DAAM2: variants seen among roughly 807,000 people sequenced by gnomAD.
DAAM2 encodes dishevelled associated activator of morphogenesis 2, also known as disheveled-associated activator of morphogenesis 2.
A neutral mutation model predicts 120.7 loss-of-function variants in DAAM2; 39 were observed. The ratio of observed to expected loss-of-function variants is 0.32; its 90% CI spans 0.25 to 0.42. The LOEUF is 0.42. DAAM2 is among the 10% of genes least tolerant of loss of function. The pLI is 1.00. For missense variants in DAAM2, 1,283 were observed against 1,401.7 expected, an observed-to-expected ratio of 0.92 and a Z score of 1.35; for synonymous variants, 488 against 524.9, an observed-to-expected ratio of 0.93 and a Z score of 0.96.
In DAAM2 at chr6:39,902,004, C is replaced by A. The variant is rs755627834; in HGVS notation, c.3174C>A (p.Thr1058=). The part of the protein sequence containing the change: ...KRSGSQALEV[T]RERAINRLNY ...CAGGGAGCCAGGCCCTGGAAGTTAC[C>A]CGGGAGCGGGCAATAAACCGGCTAA... Residue 1058 remains threonine, a synonymous_variant, in exon 25 of 25, where the codon ACC becomes ACA. Coordinates refer to ENST00000274867, the MANE Select transcript of DAAM2 (RefSeq NM_001201427.2). 1.2e-6 allele frequency: 2 copies of A among 1,610,764 alleles called. No individual in the cohort carries two copies. The highest frequency in any genetic ancestry group is 1.3e-5 in the African/African-American group (1 of 74,956).
chr6:39,850,151 G>A (rs538306032), intron 1 of DAAM2, among the ~76,000 whole-genome samples: 9 of 152,302 alleles, frequency 5.9e-5, no homozygotes, highest in Admixed American at 5.9e-4. Flanking sequence ...TGCTTTGCCT[G>A]TTGATTTAGC....
At chr6:39,803,324 C>T (rs1458821004) in intron 1 of DAAM2, among the ~76,000 whole-genome samples, 1 of 152,196 alleles carries the variant, frequency 6.6e-6, no homozygotes, top group Admixed American at 6.5e-5. Flanking sequence ...TGTTCCAACT[C>T]AATAGTGCAG....
In DAAM2 at chr6:39,896,894, C is replaced by T. The variant is rs768349100; in HGVS notation, c.2424C>T (p.Phe808=). Reference sequence around the variant, plus strand: ...AGGTCATCCTAGCCATAGGCAACTTCATGAACAAAGGGCAGCGTGGGGGCG... The same window carrying T: ...AGGTCATCCTAGCCATAGGCAACTTTATGAACAAAGGGCAGCGTGGGGGCG... ...MLEVILAIGN[F]MNKGQRGGAY... Residue 808 remains phenylalanine, a synonymous_variant, in exon 20 of 25, where the codon TTC becomes TTT. Transcript: ENST00000274867. 2.5e-6 allele frequency: 4 copies of T among 1,613,832 alleles called. 1 individual carries two copies. In the South Asian group the frequency reaches 3.3e-5, roughly 13 times the overall value.
At chr6:39,850,029 T>TCCCAGC (rs140194132) in intron 1 of DAAM2, among the ~76,000 whole-genome samples, 23,556 of 151,784 alleles carry the variant, frequency 0.16, 4,155 homozygotes, top group African/African-American at 0.44. Flanking sequence ...TGAGCCCCAT[T>TCCCAGC]CCCAGCCCCA....
At position 39,875,467 on chromosome 6, in the gene DAAM2, A is replaced by G. The variant is rs1006827416; in HGVS notation, c.1300A>G (p.Met434Val). The change falls in exon 11 of 25, where the codon ATG (methionine) becomes GTG (valine). Residue 434 changes from methionine to valine, a missense_variant and splice_region_variant. By Grantham distance (21) the Met-to-Val change is conservative. Coordinates refer to ENST00000274867, the MANE Select transcript of DAAM2 (RefSeq NM_001201427.2). Reference sequence around the variant, plus strand: ...CTTCAATGTCAAGAACATCGTCAACATGTGAGCAGTGGCCAGCCTTTGCCC... The same window carrying G: ...CTTCAATGTCAAGAACATCGTCAACGTGTGAGCAGTGGCCAGCCTTTGCCC... ...ENFNVKNIVN[M>V]LINENEVKQW... 1.2e-6 allele frequency: 2 copies of G among 1,613,060 alleles called. No homozygotes were observed. The highest frequency in any genetic ancestry group is 1.7e-6 in the Non-Finnish European group (2 of 1,179,418).
At chr6:39,824,965 T>G (rs1554168304) in intron 1 of DAAM2, among the ~76,000 whole-genome samples, 1 of 152,120 alleles carries the variant, frequency 6.6e-6, no homozygotes, top group Non-Finnish European at 1.5e-5. Flanking sequence ...GTCTAACTCC[T>G]GGAGGAGAAT....
chr6:39,802,526 A>G (rs1042079418), intron 1 of DAAM2, among the ~76,000 whole-genome samples: 1 of 152,200 alleles, frequency 6.6e-6, no homozygotes, highest in Non-Finnish European at 1.5e-5. Flanking sequence ...GATGAAGATG[A>G]TGATGGTGGT....
intron 17 of DAAM2, among the ~76,000 whole-genome samples, chr6:39,890,103 G>A (rs1398722891): frequency 2.0e-5 from 3 of 151,396 alleles, no homozygotes; most frequent in Non-Finnish European, 4.4e-5. Context: ...ACTCCAGCCT[G>A]GGCAACAGAG....
Position 39,879,306 on chromosome 6 carries a change from A to G in DAAM2, c.1674A>G (p.Pro558=). The G allele has an allele frequency of 2.6e-6, 2 of 776,532 alleles. No homozygotes were observed. Among genetic ancestry groups the G allele is most frequent in the South Asian group, 2.0e-5 (1 of 50,016 alleles). The allele number at this position is 776,532 out of a possible 1,614,324, so 48.1% of individuals were successfully genotyped here. ...PFACCPPPPP[P]PLPPGGPPTP... ...CCTGTTGTCCCCCTCCCCCACCACC[A>G]CCCCTTCCTCCCGGGGGACCCCCGA... is the stretch of plus-strand genomic sequence containing the variant. Residue 558 remains proline, a synonymous_variant, in exon 14 of 25, where the codon CCA becomes CCG. Transcript: ENST00000274867.
chr6:39,888,870 C>A (rs894193482), intron 17 of DAAM2, 107 bp downstream of exon 17: 23 of 754,228 alleles, frequency 3.0e-5, no homozygotes, highest in African/African-American at 2.6e-4. Flanking sequence ...AGAAATCAGG[C>A]TGGAAGAGTT....
intron 1 of DAAM2, among the ~76,000 whole-genome samples, chr6:39,843,267 T>C (rs1239732812): frequency 1.3e-5 from 2 of 152,002 alleles, no homozygotes; most frequent in Non-Finnish European, 2.9e-5. Context: ...TAAGGAGGAA[T>C]GAGTGGGACA....
intron 14 of DAAM2, among the ~76,000 whole-genome samples, chr6:39,882,681 T>C (rs951154380): frequency 6.0e-5 from 9 of 149,090 alleles, no homozygotes; most frequent in Non-Finnish European, 1.2e-4. Context: ...CCTTCCCCTA[T>C]CCCACGTGTG....
At chr6:39,825,515 AGT>A (rs1018657047) in intron 1 of DAAM2, among the ~76,000 whole-genome samples, 4 of 151,674 alleles carry the variant, frequency 2.6e-5, no homozygotes, top group Non-Finnish European at 4.4e-5. Flanking sequence ...CAGCTCTGCC[AGT>A]GTGTGTGTGT....
At chr6:39,891,476 A>AGCAGGTGGGGTTCTGGCAGGTGGG (rs567383300) in intron 18 of DAAM2, 29 bp downstream of exon 18, 1 of 1,579,764 alleles carries the variant, frequency 6.3e-7, no homozygotes, top group Non-Finnish European at 8.6e-7. Flanking sequence ...TGGGGATTCA[A>AGCAGGTGGGGTTCTGGCAGGTGGG]GCAGGTGGGG....
chr6:39,840,040 A>G (rs1433293535), intron 1 of DAAM2, among the ~76,000 whole-genome samples: 2 of 152,134 alleles, frequency 1.3e-5, no homozygotes, highest in Admixed American at 6.6e-5. Context: ...CAGCCTGGGC[A>G]ACATGGTGAA....
rs543612445 is a variant in DAAM2 at position 39,865,059 on chromosome 6, G to C, written c.413G>C (p.Arg138Pro). 1 of 1,572,690 alleles carries C rather than the reference G, an allele frequency of 6.4e-7. No individual in the cohort carries two copies. The highest frequency in any genetic ancestry group is 8.7e-7 in the Non-Finnish European group (1 of 1,147,896). The change falls in exon 5 of 25, where the codon CGG becomes CCG. Residue 138 changes from arginine (R) to proline (P), a missense_variant. Around this residue, in one of 3 missense-constraint regions of DAAM2, gnomAD observed 197 missense variants for 189.3 expected, o/e 1.04. Transcript: ENST00000274867. ...QVVEDLKTAL[R>P]TQPMRFVTRF... ...GTGGAAGACCTGAAGACAGCCCTCC[G>C]GACACAGCCTATGAGGTAATTCAGT...
chr6:39,858,142 G>A (rs1351101954), intron 2 of DAAM2, among the ~76,000 whole-genome samples: 1 of 152,016 alleles, frequency 6.6e-6, no homozygotes, highest in Non-Finnish European at 1.5e-5. Context: ...AAAGGAGCTG[G>A]GTCCTTTTGG....
At chr6:39,831,951 A>G (rs866437482) in intron 1 of DAAM2, among the ~76,000 whole-genome samples, 6 of 28,870 alleles carry the variant, frequency 2.1e-4, no homozygotes, top group Admixed American at 5.4e-4. Flanking sequence ...GGGGCACTGG[A>G]GGGTAGGTGC....
In DAAM2 at chr6:39,891,459, G is replaced by C; in HGVS notation, c.2252+12G>C. 6.3e-7 allele frequency: 1 copy of C among 1,594,666 alleles called. No individual in the cohort carries two copies. The highest frequency in any genetic ancestry group is 8.6e-7 in the Non-Finnish European group (1 of 1,169,026). ...TATGAAATGAGCAGGTTGGGCCATG[G>C]GCATGGTGGGGATTCAAGCAGGTGG... On this transcript the variant is annotated intron_variant, in intron 18 of 24. Coordinates refer to ENST00000274867, the MANE Select transcript of DAAM2 (RefSeq NM_001201427.2).
Sources: allele counts gnomAD v4.1 joint callset (sites outside exome capture counted in the v4.1 genomes callset), GRCh38; gene constraint gnomAD v4.1.1; regional missense constraint gnomAD v4.1.1; transcripts MANE v1.5; gene names NCBI Gene and HGNC (gene_info 2026-07-23, HGNC 2026-07-21).